Variants in SV2B observed in about 807,000 individuals in gnomAD.
The protein encoded by SV2B is synaptic vesicle glycoprotein 2B, also known as solute carrier family 22 member B2.
SV2B carries 41 observed loss-of-function variants against 73.9 expected under a neutral mutation model. The observed-to-expected ratio is 0.56, with a 90% CI of 0.43 to 0.72. The LOEUF (loss-of-function observed/expected upper bound fraction) is 0.72, where lower values mean the gene tolerates loss of function less well. SV2B is among the 30% of genes least tolerant of loss of function. The pLI, the probability that SV2B is intolerant of heterozygous loss-of-function variation, is 0.00. For missense variants in SV2B, 764 were observed against 857.8 expected (o/e 0.89, Z 1.37); for synonymous variants, 314 against 314.2 (o/e 1.00, Z 0.01).
At chr15:91,196,720 A>T (rs989718095) in intron 1 of SV2B, among the ~76,000 whole-genome samples, 2 of 152,228 alleles carry the variant, frequency 1.3e-5, no homozygotes, top group African/African-American at 4.8e-5. Context: ...TCCTCTACTT[A>T]TATGTGAAGC....
rs1687855599 is a variant in SV2B, at chr15:91,224,912, A to C, written c.-391-961A>C. Among the ~76,000 whole-genome samples the C allele has an allele frequency of 6.6e-6, 1 of 152,132 alleles. No homozygotes were observed. On this transcript the variant is annotated intron_variant, in intron 1 of 12. Coordinates refer to ENST00000394232, the MANE Select transcript of SV2B (RefSeq NM_001323032.3). The surrounding 1 kb of genome is among the most constrained non-coding windows in gnomAD (Gnocchi z 4.9). ...AGTCAACAGAGGGACTCTGATTGGA[A>C]TTGGGATATAGGATGAGATCTTGGC...
intron 1 of SV2B, among the ~76,000 whole-genome samples, chr15:91,191,132 T>G (rs1172159510): frequency 6.9e-6 from 1 of 144,656 alleles, no homozygotes; most frequent in East Asian, 2.2e-4. Flanking sequence ...ATGGTGCAAT[T>G]TGGGCTCACT....
intron 1 of SV2B, among the ~76,000 whole-genome samples, chr15:91,208,099 A>C (rs911075018): frequency 6.6e-6 from 1 of 152,216 alleles, no homozygotes; most frequent in Non-Finnish European, 1.5e-5. Context: ...ATTTTTGGGT[A>C]ACATTTTCTG....
chr15:91,221,664 T>C (rs1363467686), intron 1 of SV2B, among the ~76,000 whole-genome samples: 1 of 137,540 alleles, frequency 7.3e-6, no homozygotes, highest in African/African-American at 3.0e-5. Context: ...AGGCCTCACC[T>C]CACCTGTGGA....
Position 91,223,402 on chromosome 15 carries a change from C to A in SV2B, c.-391-2471C>A, listed in dbSNP as rs1209424462. ...TTCCCCTTTACTCCACTGCACTTGA[C>A]ATTCACAGCAGGTCTTTTAACTGAA... On this transcript the variant is annotated intron_variant, in intron 1 of 12. Coordinates refer to ENST00000394232, the MANE Select transcript of SV2B (RefSeq NM_001323032.3). The surrounding 1 kb of genome is among the most constrained non-coding windows in gnomAD (Gnocchi z 4.6). Among the ~76,000 whole-genome samples, 6 of 152,244 alleles carry A rather than the reference C, an allele frequency of 3.9e-5. No individual in the cohort carries two copies. Among genetic ancestry groups the A allele is most frequent in the Non-Finnish European group, 5.9e-5 (4 of 68,042 alleles).
Position 91,242,051 on chromosome 15 carries a change from GT to G in SV2B, c.452-9766del, listed in dbSNP as rs1470766237. Among the ~76,000 whole-genome samples the G allele has an allele frequency of 4.6e-5, 7 of 152,170 alleles. No homozygotes were observed. The highest frequency in any genetic ancestry group is 2.6e-4 in the Admixed American group (4 of 15,284). ...ATCACTCTTGGCCTCCACTTGCTCA[GT>G]TCAGCAGTCAGCTCTCATCCTCAGC... On this transcript the variant is annotated intron_variant, in intron 2 of 12. Transcript: ENST00000394232. The surrounding 1 kb of genome is among the most constrained non-coding windows in gnomAD (Gnocchi z 4.9).
chr15:91,265,699 T>C lies in SV2B; in HGVS notation c.1009-883T>C, dbSNP rs1223280609. 6.6e-6 allele frequency among the ~76,000 whole-genome samples: 1 copy of C among 152,246 alleles called. No homozygotes were observed. Among genetic ancestry groups the C allele is most frequent in the African/African-American group, 2.4e-5 (1 of 41,474 alleles). ...TTGTTAGTTCTGAAGCTTCTCTGTC[T>C]GACCTCAGGCGGAAGATCATTTGCA... On this transcript the variant is annotated intron_variant, in intron 6 of 12. Coordinates refer to ENST00000394232, the MANE Select transcript of SV2B (RefSeq NM_001323032.3). This position sits in a 1 kb window ranked among gnomAD's most constrained non-coding sequence, Gnocchi z 4.2.
At chr15:91,285,322 T>C (rs2048823753) in intron 11 of SV2B, among the ~76,000 whole-genome samples, 1 of 152,172 alleles carries the variant, frequency 6.6e-6, no homozygotes, top group Non-Finnish European at 1.5e-5. Flanking sequence ...CATGCTCTCC[T>C]CTATTAGAGG....
chr15:91,236,804 C>A lies in SV2B; in HGVS notation c.451+10090C>A, dbSNP rs765450445. 1.3e-5 allele frequency among the ~76,000 whole-genome samples: 2 copies of A among 152,196 alleles called. No individual in the cohort carries two copies. Among genetic ancestry groups the A allele is most frequent in the African/African-American group, 4.8e-5 (2 of 41,548 alleles). ...GCTGGAAGGTGGGGGCTGGAATCAT[C>A]GGAGGGCTCACCCACACAAATATCT... is the stretch of plus-strand genomic sequence containing the variant. On this transcript the variant is annotated intron_variant, in intron 2 of 12. Transcript: ENST00000394232. The surrounding 1 kb of genome is among the most constrained non-coding windows in gnomAD (Gnocchi z 4.1).
chr15:91,117,596 CCTT>C (rs2042217298), intron 1 of SV2B, among the ~76,000 whole-genome samples: 1 of 152,190 alleles, frequency 6.6e-6, no homozygotes, highest in African/African-American at 2.4e-5. Flanking sequence ...ATATTCTTCT[CCTT>C]CTTCTCATGC....
intron 1 of SV2B, among the ~76,000 whole-genome samples, chr15:91,196,180 C>T (rs2045238991): frequency 6.6e-6 from 1 of 152,218 alleles, no homozygotes; most frequent in Non-Finnish European, 1.5e-5. Context: ...AAGAAAATCA[C>T]ATTTGATGTG....
chr15:91,182,700 A>G (rs1022166829), intron 1 of SV2B, among the ~76,000 whole-genome samples: 3 of 152,210 alleles, frequency 2.0e-5, no homozygotes, highest in Non-Finnish European at 4.4e-5. Flanking sequence ...GTCTGTTCTT[A>G]TGGCAGAAGT....
chr15:91,221,551 C>A (rs73517609), intron 1 of SV2B, among the ~76,000 whole-genome samples: 21,464 of 152,008 alleles, frequency 0.14, 3,849 homozygotes, highest in African/African-American at 0.42. Context: ...GTTCTAGTCA[C>A]TCTCGGCCTT....
At chr15:91,181,627 G>A (rs1023171094) in intron 1 of SV2B, among the ~76,000 whole-genome samples, 1 of 151,596 alleles carries the variant, frequency 6.6e-6, no homozygotes, top group Non-Finnish European at 1.5e-5. Flanking sequence ...TTTGACAAAC[G>A]TTTTTGTTTT....
chr15:91,247,139 T>G (rs190000749), intron 2 of SV2B, among the ~76,000 whole-genome samples: 16 of 152,304 alleles, frequency 1.1e-4, no homozygotes, highest in African/African-American at 3.9e-4. Context: ...TCTTATTCTC[T>G]CTGGTACCTC....
intron 1 of SV2B, among the ~76,000 whole-genome samples, chr15:91,180,402 G>T (rs1020598703): frequency 1.3e-5 from 2 of 151,924 alleles, no homozygotes; most frequent in Admixed American, 1.3e-4. Flanking sequence ...GAGTATCTTT[G>T]TGGCGTTCTC....
At chr15:91,163,230 G>T (rs2043789653) in intron 1 of SV2B, among the ~76,000 whole-genome samples, 1 of 152,200 alleles carries the variant, frequency 6.6e-6, no homozygotes, top group South Asian at 2.1e-4. Context: ...ACATACGTGT[G>T]CATGTGTCTT....
intron 1 of SV2B, among the ~76,000 whole-genome samples, chr15:91,158,328 A>G (rs539714719): frequency 1.1e-4 from 17 of 152,080 alleles, no homozygotes; most frequent in Non-Finnish European, 1.8e-4. Context: ...TTGTCATCCA[A>G]ATTTTATTCT....
intron 1 of SV2B, among the ~76,000 whole-genome samples, chr15:91,177,872 A>G (rs1400787324): frequency 6.9e-6 from 1 of 145,434 alleles, no homozygotes; most frequent in Non-Finnish European, 1.5e-5. Context: ...TTCCTAGTTG[A>G]ATACCCTTTA....
Sources: allele counts gnomAD v4.1 joint callset (sites outside exome capture counted in the v4.1 genomes callset), GRCh38; gene constraint gnomAD v4.1.1; non-coding constraint Gnocchi (gnomAD v3.1); transcripts MANE v1.5; gene names NCBI Gene and HGNC (gene_info 2026-07-23, HGNC 2026-07-21).